RMND5A: variants seen among roughly 807,000 people sequenced by gnomAD.
RMND5A encodes the protein E3 ubiquitin-protein transferase RMND5A.
Under a neutral mutation model 49.7 loss-of-function variants are expected in RMND5A, and 17 were observed. That is an observed-to-expected ratio of 0.34 (90% CI 0.23 to 0.51). RMND5A has a LOEUF of 0.51. Ranked by LOEUF, RMND5A falls within the 20% of genes least tolerant of loss-of-function variation. The pLI is 0.96. For synonymous variants in RMND5A, 156 were observed against 167.7 expected (o/e 0.93, Z 0.54); for missense variants, 255 against 471.3 (o/e 0.54, Z 4.25).
At chr2:86,744,004 C>T (rs1681494910) in intron 2 of RMND5A, among the ~76,000 whole-genome samples, 1 of 151,270 alleles carries the variant, frequency 6.6e-6, no homozygotes, top group South Asian at 2.1e-4. Flanking sequence ...TACATACATA[C>T]ATACTATATT....
intron 4 of RMND5A, among the ~76,000 whole-genome samples, chr2:86,759,922 G>T (rs1279546908): frequency 2.0e-5 from 3 of 152,288 alleles, no homozygotes; most frequent in Middle Eastern, 3.4e-3. Context: ...ATGGGCCACA[G>T]ACACCCTGAC....
chr2:86,765,234 C>T, intron 5 of RMND5A, 41 bp downstream of exon 5: 1 of 1,518,632 alleles, frequency 6.6e-7, no homozygotes, highest in Non-Finnish European at 9.0e-7. Flanking sequence ...TGAAACAGGG[C>T]TATAGCCACC....
chr2:86,766,556 C>T (rs563180998), intron 6 of RMND5A, among the ~76,000 whole-genome samples: 3 of 148,200 alleles, frequency 2.0e-5, no homozygotes, highest in East Asian at 2.0e-4. Context: ...CCCAGCTAGT[C>T]GGGAAGCCGA....
chr2:86,726,205 CAT>C lies in RMND5A; in HGVS notation c.142+5397_142+5398del, dbSNP rs1681282547. ...GAATTTGGGTTGTGTATATTAAACA[CAT>C]GTGTTGAAAAGTATGCTTATTTGTA... On this transcript the variant is annotated intron_variant, in intron 1 of 8. Coordinates refer to ENST00000283632, the MANE Select transcript of RMND5A (RefSeq NM_022780.4). 2.9e-5 allele frequency among the ~76,000 whole-genome samples: 2 copies of C among 69,942 alleles called. 1 individual carries two copies. The highest frequency in any genetic ancestry group is 5.5e-5 in the Non-Finnish European group (2 of 36,330). 45.9% of individuals were successfully genotyped at this position (69,942 alleles called of 152,430 possible).
intron 1 of RMND5A, chr2:86,721,128 C>G: frequency 7.5e-6 from 2 of 267,436 alleles, no homozygotes; most frequent in South Asian, 9.9e-5. Flanking sequence ...CGAGTGGGCG[C>G]CCCTCGTCCC....
rs544657023 is a variant in RMND5A, at chr2:86,750,573, T to G, written c.286-1323T>G. On this transcript the variant is annotated intron_variant, in intron 2 of 8. Coordinates refer to ENST00000283632, the MANE Select transcript of RMND5A (RefSeq NM_022780.4). ...TAGTTTTAACAGTTTGAATGTGAGA[T>G]GTTTGGGTCAGATTTCTTTGAATTT... 2.0e-4 allele frequency among the ~76,000 whole-genome samples: 30 copies of G among 152,324 alleles called. No individual in the cohort carries two copies. The South Asian group carries it at 6.2e-3, about 32-fold the overall frequency.
chr2:86,752,309 T>G (rs1385021698), intron 3 of RMND5A, among the ~76,000 whole-genome samples: 1 of 152,230 alleles, frequency 6.6e-6, no homozygotes, highest in Non-Finnish European at 1.5e-5. Context: ...AAAAGCGATA[T>G]TCTTTCTTCA....
At chr2:86,763,733 A>T (rs1277836218) in intron 4 of RMND5A, among the ~76,000 whole-genome samples, 1 of 151,994 alleles carries the variant, frequency 6.6e-6, no homozygotes, top group Non-Finnish European at 1.5e-5. Flanking sequence ...CCACGATTAC[A>T]CTACTGCACA....
rs116674878 is a variant in RMND5A, at chr2:86,775,221, A to G, written c.*1810A>G. On this transcript the variant is annotated 3_prime_UTR_variant, in exon 9 of 9. Coordinates refer to ENST00000283632, the MANE Select transcript of RMND5A (RefSeq NM_022780.4). The stretch of plus-strand genomic sequence containing the variant: ...ACAAACTCTTTGGACTGTGAAAGAG[A>G]AGGTAGAGAATTCCAGGCAACAGTC... 0.011 allele frequency: 1,721 copies of G among 152,286 alleles called. 37 individuals are homozygous for G. Among genetic ancestry groups the G allele is most frequent in the African/African-American group, 0.038 (1,597 of 41,542 alleles). The allele number at this position is 152,286 out of a possible 1,614,324, so 9.4% of individuals were successfully genotyped here.
At chr2:86,765,401 C>T (rs1379465165) in intron 5 of RMND5A, 1 of 463,756 alleles carries the variant, frequency 2.2e-6, no homozygotes, top group Non-Finnish European at 3.8e-6. Flanking sequence ...TTTTGGAATT[C>T]CATATTAAAC....
chr2:86,760,299 C>A (rs1317048717), intron 4 of RMND5A, among the ~76,000 whole-genome samples: 1 of 152,234 alleles, frequency 6.6e-6, no homozygotes, highest in African/African-American at 2.4e-5. Context: ...CCACCTCGGC[C>A]TCCCAAAGTG....
At chr2:86,761,398 A>G (rs1672486790) in intron 4 of RMND5A, among the ~76,000 whole-genome samples, 1 of 152,188 alleles carries the variant, frequency 6.6e-6, no homozygotes, top group Non-Finnish European at 1.5e-5. Flanking sequence ...AACTGTGGCC[A>G]GGGAATTGAG....
intron 1 of RMND5A, among the ~76,000 whole-genome samples, chr2:86,721,381 C>T (rs1282534072): frequency 1.3e-5 from 2 of 151,942 alleles, no homozygotes; most frequent in Non-Finnish European, 2.9e-5. Flanking sequence ...CATGATTTGG[C>T]TGCTGTGTGG....
intron 4 of RMND5A, among the ~76,000 whole-genome samples, chr2:86,762,709 CATATATATCAT>C (rs1190554321): frequency 3.9e-5 from 1 of 25,412 alleles, no homozygotes; most frequent in Non-Finnish European, 1.4e-4. Context: ...TCATATATAT[CATATATATCAT>C]ATATATCATA....
chr2:86,737,804 G>A (rs939866481), intron 1 of RMND5A, among the ~76,000 whole-genome samples: 1 of 34,478 alleles, frequency 2.9e-5, no homozygotes, highest in African/African-American at 1.7e-4. Context: ...TTGAGGTCTC[G>A]CTCTGTCACT....
chr2:86,751,861 C>G (rs1681639394), intron 2 of RMND5A, 35 bp from the exon 3 acceptor site: 3 of 1,592,014 alleles, frequency 1.9e-6, no homozygotes, highest in South Asian at 1.1e-5. Context: ...TGAAAATAAT[C>G]TATTTATGAT....
Position 86,773,462 on chromosome 2 carries a change from T to G in RMND5A, c.*51T>G. The G allele has an allele frequency of 8.5e-7, 1 of 1,180,456 alleles. No homozygotes were observed. The highest frequency in any genetic ancestry group is 1.2e-5 in the South Asian group (1 of 81,528). 73.1% of individuals were successfully genotyped at this position (1,180,456 alleles called of 1,614,324 possible). A position where few individuals can be genotyped will look rare whatever the true frequency, so the allele number is the denominator to read the frequency against. ...TAAGTGAAACTGAATCGTGGGTGCA[T>G]TTCAGAAGAGAACGTTCCATATAAT... On this transcript the variant is annotated 3_prime_UTR_variant, in exon 9 of 9. Transcript: ENST00000283632.
intron 2 of RMND5A, among the ~76,000 whole-genome samples, chr2:86,750,724 A>C (rs1681620596): frequency 2.0e-5 from 3 of 150,360 alleles, no homozygotes; most frequent in Non-Finnish European, 4.4e-5. Context: ...TTCCGATGAC[A>C]CACACGTTAG....
rs1006834073 is a variant in RMND5A at position 86,776,249 on chromosome 2, A to G, written c.*2838A>G. On this transcript the variant is annotated 3_prime_UTR_variant, in exon 9 of 9. Transcript: ENST00000283632. ...TCTCCGTTGTGTGATCACAGATGCT[A>G]TTTCTGTTTTATTGGTGATTATACG... 3 of 152,150 alleles carry G rather than the reference A, an allele frequency of 2.0e-5. No homozygotes were observed. The highest frequency in any genetic ancestry group is 1.3e-4 in the Admixed American group (2 of 15,278). The allele number at this position is 152,150 out of a possible 1,614,324, so 9.4% of individuals were successfully genotyped here.
Sources: gnomAD v4.1 joint callset for allele counts (sites outside exome capture counted in the v4.1 genomes callset) on GRCh38, gnomAD v4.1.1 for gene constraint, MANE v1.5 for transcripts, NCBI Gene and HGNC (gene_info 2026-07-23, HGNC 2026-07-21) for gene names.